The following ARHGEF7 variants were observed in gnomAD, a reference collection of about 807,000 sequenced individuals.
The protein encoded by ARHGEF7 is PAK-interacting exchange factor beta.
In ARHGEF7, 33 loss-of-function variants were observed where a neutral mutation model predicts 109.8. The observed-to-expected ratio is 0.30, with a 90% CI of 0.23 to 0.40. ARHGEF7 has a LOEUF of 0.40. ARHGEF7 is among the 10% of genes least tolerant of loss of function. The pLI is 1.00. For synonymous variants in ARHGEF7, 458 were observed against 424.6 expected (o/e 1.08, Z -0.97); for missense variants, 938 against 1,098.5 (o/e 0.85, Z 2.07).
intron 20 of ARHGEF7, 110 bp from the exon 21 acceptor site, chr13:111,301,368 G>C (rs186965888): frequency 1.1e-6 from 1 of 899,304 alleles, no homozygotes; most frequent in East Asian, 2.4e-5. Context: ...GGGTAAGGCA[G>C]AGCAGCTCCG....
At chr13:111,120,218 C>G (rs831146) in intron 1 of ARHGEF7, among the ~76,000 whole-genome samples, 27,415 of 152,166 alleles carry the variant, frequency 0.18, 3,538 homozygotes, top group African/African-American at 0.37. Flanking sequence ...GCTGGAACTG[C>G]ATTTGCTGGC....
In ARHGEF7 at chr13:111,268,859, T is replaced by A. The variant is rs544997612; in HGVS notation, c.1073+1189T>A. 3.2e-4 allele frequency among the ~76,000 whole-genome samples: 49 copies of A among 152,380 alleles called. 1 individual carries two copies. The highest frequency in any genetic ancestry group is 1.9e-3 in the East Asian group (10 of 5,194). On this transcript the variant is annotated intron_variant, in intron 9 of 21. Transcript: ENST00000646102. ...TGTCTTCTATTGTTTCTTCATTTTT[T>A]AATTTTTTTATTTTTTAAAAAAGAC...
chr13:111,221,519 A>G (rs1466370785), intron 5 of ARHGEF7, among the ~76,000 whole-genome samples: 6 of 37,482 alleles, frequency 1.6e-4, no homozygotes, highest in African/African-American at 5.5e-4. Flanking sequence ...ATATAGATAT[A>G]TATCTATATA....
chr13:111,253,797 G>A (rs372529824), intron 8 of ARHGEF7, among the ~76,000 whole-genome samples: 1 of 152,178 alleles, frequency 6.6e-6, no homozygotes, highest in South Asian at 2.1e-4. Flanking sequence ...AGCCTCCCCC[G>A]ATCCCTATAC....
chr13:111,135,125 T>C (rs1268921935), intron 1 of ARHGEF7, among the ~76,000 whole-genome samples: 2 of 152,256 alleles, frequency 1.3e-5, no homozygotes, highest in East Asian at 1.9e-4. Flanking sequence ...TGTGGTATTA[T>C]TTCTGAGGGC....
chr13:111,132,627 A>G (rs2074818056), intron 1 of ARHGEF7, among the ~76,000 whole-genome samples: 1 of 152,210 alleles, frequency 6.6e-6, no homozygotes, highest in African/African-American at 2.4e-5. Context: ...CTCACAGTGT[A>G]TTACATATCA....
intron 2 of ARHGEF7, among the ~76,000 whole-genome samples, chr13:111,155,912 C>T (rs1461685007): frequency 6.6e-6 from 1 of 151,052 alleles, no homozygotes; most frequent in Non-Finnish European, 1.5e-5. Context: ...CCTGTCTATA[C>T]TTAAACAAAC....
chr13:111,224,659 A>G (rs1426664593), intron 5 of ARHGEF7, among the ~76,000 whole-genome samples: 2 of 152,198 alleles, frequency 1.3e-5, no homozygotes, highest in Non-Finnish European at 2.9e-5. Flanking sequence ...TAAGTTGGTC[A>G]CTTTTAAATA....
chr13:111,271,559 A>AT (rs1240763911), intron 9 of ARHGEF7, among the ~76,000 whole-genome samples: 1 of 152,038 alleles, frequency 6.6e-6, no homozygotes, highest in Non-Finnish European at 1.5e-5. Context: ...CAAGGAAATG[A>AT]TTTTTGGAAA....
At position 111,261,211 on chromosome 13, in the gene ARHGEF7, A is replaced by C. The variant is rs143866809; in HGVS notation, c.951-6337A>C. 4.7e-4 allele frequency among the ~76,000 whole-genome samples: 72 copies of C among 152,300 alleles called. No individual in the cohort carries two copies. The East Asian group carries it at 6.0e-3, about 13-fold the overall frequency. ...AGAGTGGCTGAATGGATTAAAAAAA[A>C]CCAAAAAGACAAAAAACCCAATGAT... On this transcript the variant is annotated intron_variant, in intron 8 of 21. Coordinates refer to ENST00000646102, the MANE Select transcript of ARHGEF7 (RefSeq NM_001354046.2).
At chr13:111,257,863 A>C (rs2090615870) in intron 8 of ARHGEF7, among the ~76,000 whole-genome samples, 2 of 152,266 alleles carry the variant, frequency 1.3e-5, no homozygotes, top group South Asian at 2.1e-4. Context: ...GCACAGAGGT[A>C]GCATTTAGAC....
rs1333706545 is a variant in ARHGEF7, at chr13:111,145,522, G to C, written c.166-8383G>C. 1.3e-5 allele frequency among the ~76,000 whole-genome samples: 2 copies of C among 152,208 alleles called. No individual in the cohort carries two copies. The highest frequency in any genetic ancestry group is 2.9e-5 in the Non-Finnish European group (2 of 68,038). ...CAGGAGCCATGGTCTTCCGCGAGTGGTGTGTTGGTAAATGTTAAACACCTG... is the reference window on the plus strand; with the variant it reads ...CAGGAGCCATGGTCTTCCGCGAGTGCTGTGTTGGTAAATGTTAAACACCTG... On this transcript the variant is annotated intron_variant, in intron 1 of 21. Coordinates refer to ENST00000646102, the MANE Select transcript of ARHGEF7 (RefSeq NM_001354046.2). The surrounding 1 kb of genome is among the most constrained non-coding windows in gnomAD (Gnocchi z 4.3).
At chr13:111,247,536 G>A (rs2089091198) in intron 8 of ARHGEF7, among the ~76,000 whole-genome samples, 1 of 152,162 alleles carries the variant, frequency 6.6e-6, no homozygotes, top group African/African-American at 2.4e-5. Flanking sequence ...CTCCCAAAGT[G>A]TTGGGATTAC....
chr13:111,136,922 G>A (rs1025338660), intron 1 of ARHGEF7, among the ~76,000 whole-genome samples: 3 of 152,150 alleles, frequency 2.0e-5, no homozygotes, highest in Admixed American at 1.3e-4. Flanking sequence ...TATCATCACC[G>A]ATCCCACAGA....
chr13:111,299,406 A>G (rs2093506946), intron 19 of ARHGEF7, among the ~76,000 whole-genome samples: 1 of 140,232 alleles, frequency 7.1e-6, no homozygotes, highest in East Asian at 2.2e-4. Context: ...GCAGTGGTGC[A>G]ATCTCGGCTC....
In ARHGEF7 at chr13:111,131,190, T is replaced by C. The variant is rs542962737; in HGVS notation, c.165+15499T>C. Among the ~76,000 whole-genome samples, 2 of 152,186 alleles carry C rather than the reference T, an allele frequency of 1.3e-5. No homozygotes were observed. The highest frequency in any genetic ancestry group is 4.2e-4 in the South Asian group (2 of 4,814). The stretch of plus-strand genomic sequence containing the variant: ...ACTCCCACGGTTGCCCATGGAGAGC[T>C]GTGGGAGCCTGGGCTGGAGTGGAGG... On this transcript the variant is annotated intron_variant, in intron 1 of 21. Coordinates refer to ENST00000646102, the MANE Select transcript of ARHGEF7 (RefSeq NM_001354046.2). This position sits in a 1 kb window ranked among gnomAD's most constrained non-coding sequence, Gnocchi z 4.4.
At chr13:111,125,435 G>A (rs1430987240) in intron 1 of ARHGEF7, among the ~76,000 whole-genome samples, 1 of 148,498 alleles carries the variant, frequency 6.7e-6, no homozygotes, top group Non-Finnish European at 1.5e-5. Flanking sequence ...CTCTATAGAA[G>A]CTATATATAA....
intron 15 of ARHGEF7, among the ~76,000 whole-genome samples, chr13:111,281,581 A>G (rs950648618): frequency 6.6e-6 from 1 of 152,142 alleles, no homozygotes; most frequent in African/African-American, 2.4e-5. Flanking sequence ...TTTAGCTAGC[A>G]TTTCATTTTT....
At position 111,123,060 on chromosome 13, in the gene ARHGEF7, C is replaced by G. The variant is rs145327094; in HGVS notation, c.165+7369C>G. ...CCAATTCTCCAACCCTCCCATGCCC[C>G]TGGCAAAGTGACCTTGTAGCGCCTC... On this transcript the variant is annotated intron_variant, in intron 1 of 21. Transcript: ENST00000646102. Among the ~76,000 whole-genome samples the G allele has an allele frequency of 1.3e-3, 201 of 152,322 alleles. 1 individual carries two copies. Among genetic ancestry groups the G allele is most frequent in the African/African-American group, 4.6e-3 (193 of 41,572 alleles).
Sources: gnomAD v4.1 joint callset for allele counts (sites outside exome capture counted in the v4.1 genomes callset) on GRCh38, gnomAD v4.1.1 for gene constraint, Gnocchi (gnomAD v3.1) non-coding constraint, MANE v1.5 for transcripts, NCBI Gene and HGNC (gene_info 2026-07-23, HGNC 2026-07-21) for gene names.